Variants in FHL5 observed in about 807,000 individuals in gnomAD.
FHL5 encodes four and a half LIM domains protein 5.
Under a neutral mutation model 32.0 loss-of-function variants are expected in FHL5, and 33 were observed. The ratio of observed to expected loss-of-function variants is 1.03; its 90% CI spans 0.78 to 1.38. FHL5 has a LOEUF of 1.38. Ranked by LOEUF, FHL5 falls within the 40% of genes most tolerant of loss-of-function variation. FHL5 has a pLI of 0.00. For synonymous variants in FHL5, 114 were observed against 113.6 expected (o/e 1.00, Z -0.02); for missense variants, 336 against 343.9 (o/e 0.98, Z 0.18).
intron 1 of FHL5, among the ~76,000 whole-genome samples, chr6:96,570,575 G>A (rs191878160): frequency 3.9e-5 from 6 of 152,176 alleles, no homozygotes; most frequent in Admixed American, 2.0e-4. Flanking sequence ...TATTAAACAG[G>A]CTTTCTATAC....
intron 1 of FHL5, among the ~76,000 whole-genome samples, chr6:96,595,786 C>G (rs1289313403): frequency 6.6e-6 from 1 of 151,682 alleles, no homozygotes; most frequent in Non-Finnish European, 1.5e-5. Flanking sequence ...GCAAATCTGC[C>G]TAGTCATTTT....
At chr6:96,597,921 T>A (rs1771069230) in intron 1 of FHL5, among the ~76,000 whole-genome samples, 1 of 152,130 alleles carries the variant, frequency 6.6e-6, no homozygotes, top group Non-Finnish European at 1.5e-5. Context: ...TTTGGTTTGC[T>A]CATCCATCAA....
chr6:96,602,155 A>G (rs1056396660), intron 1 of FHL5, among the ~76,000 whole-genome samples: 3 of 152,176 alleles, frequency 2.0e-5, no homozygotes, highest in African/African-American at 4.8e-5. Flanking sequence ...GGCAAAACGC[A>G]TGAGAATAAG....
rs542296879 is a variant in FHL5 at position 96,576,907 on chromosome 6, T to C, written c.-13+13552T>C. ...CTACTAATACTGTGAACACTTTGGT[T>C]TCCAAGGGAATGGTAACAGATTTTC... On this transcript the variant is annotated intron_variant, in intron 1 of 5. Transcript: ENST00000450218. Among the ~76,000 whole-genome samples, 220 of 152,318 alleles carry C rather than the reference T, an allele frequency of 1.4e-3. 1 individual carries two copies. Among genetic ancestry groups the C allele is most frequent in the Non-Finnish European group, 2.1e-3 (143 of 68,024 alleles).
Position 96,563,665 on chromosome 6 carries a change from T to TA in FHL5, c.-13+311dup, listed in dbSNP as rs1770294439. On this transcript the variant is annotated intron_variant, in intron 1 of 5. Transcript: ENST00000450218. Reference sequence around the variant, plus strand: ...ATGGTCTTAATGTGGGGTATAGCTTTATTGTTGTAAAAAGAGGAAGAAGAG... The same window carrying TA: ...ATGGTCTTAATGTGGGGTATAGCTTTAATTGTTGTAAAAAGAGGAAGAAGAG... 1.3e-5 allele frequency among the ~76,000 whole-genome samples: 2 copies of TA among 152,162 alleles called. 1 individual carries two copies. The highest frequency in any genetic ancestry group is 4.1e-4 in the South Asian group (2 of 4,836).
intron 1 of FHL5, among the ~76,000 whole-genome samples, chr6:96,587,724 G>A (rs1264558380): frequency 6.6e-6 from 1 of 152,068 alleles, no homozygotes; most frequent in African/African-American, 2.4e-5. Flanking sequence ...ATTGCATCCT[G>A]AATTTTTTGT....
intron 5 of FHL5, among the ~76,000 whole-genome samples, chr6:96,615,218 G>A (rs929225238): frequency 2.0e-5 from 3 of 152,126 alleles, no homozygotes; most frequent in Non-Finnish European, 4.4e-5. Context: ...AAGTCATATA[G>A]AGAAAAAGGG....
Position 96,617,107 on chromosome 6 carries a change from T to C in FHL5, c.*1335T>C, listed in dbSNP as rs371015566. 6.6e-6 allele frequency among the ~76,000 whole-genome samples: 1 copy of C among 152,220 alleles called. No individual in the cohort carries two copies. The highest frequency in any genetic ancestry group is 1.5e-5 in the Non-Finnish European group (1 of 68,050). ...CCAGGTTTATCTTTATACCAGACTT[T>C]AACTGATCATGACCCTATCTTGCTA... On this transcript the variant is annotated 3_prime_UTR_variant, in exon 6 of 6. Transcript: ENST00000450218.
intron 4 of FHL5, among the ~76,000 whole-genome samples, chr6:96,610,083 T>C (rs557536656): frequency 2.8e-4 from 43 of 152,312 alleles, no homozygotes; most frequent in Non-Finnish European, 5.9e-4. Flanking sequence ...AAAAGAAGAA[T>C]TCTTTTAAGC....
intron 1 of FHL5, among the ~76,000 whole-genome samples, chr6:96,597,199 T>A (rs530691168): frequency 6.6e-6 from 1 of 151,592 alleles, no homozygotes; most frequent in African/African-American, 2.4e-5. Context: ...ATATATATAA[T>A]ATATACCAAT....
chr6:96,608,948 C>T (rs1237556144), intron 4 of FHL5, among the ~76,000 whole-genome samples: 2 of 152,144 alleles, frequency 1.3e-5, no homozygotes, highest in Non-Finnish European at 2.9e-5. Flanking sequence ...TTAAGCATTG[C>T]CTGCTAATCA....
At position 96,614,149 on chromosome 6, in the gene FHL5, T is replaced by A. The variant is rs117798998; in HGVS notation, c.692-1460T>A. Among the ~76,000 whole-genome samples, 622 of 152,330 alleles carry A rather than the reference T, an allele frequency of 4.1e-3. 12 individuals carry two copies. The highest frequency in any genetic ancestry group is 0.04 in the South Asian group (194 of 4,826). On this transcript the variant is annotated intron_variant, in intron 5 of 5. Transcript: ENST00000450218. ...CTTCTACTTTTTCTTATTTGTAAAA[T>A]TCCGGAAGAATTGCTTTTATATTTG...
At position 96,607,444 on chromosome 6, in the gene FHL5, A is replaced by T. The variant is rs1040981001; in HGVS notation, c.504+1373A>T. On this transcript the variant is annotated intron_variant, in intron 4 of 5. Coordinates refer to ENST00000450218, the MANE Select transcript of FHL5 (RefSeq NM_001322466.2). ...ACACACACGCAGTTAACTGTTTAACATACATAACCAATACCACTACTGCAT... is the reference window on the plus strand; with the variant it reads ...ACACACACGCAGTTAACTGTTTAACTTACATAACCAATACCACTACTGCAT... Among the ~76,000 whole-genome samples, 7 of 152,256 alleles carry T rather than the reference A, an allele frequency of 4.6e-5. No homozygotes were observed. The South Asian group carries it at 1.4e-3, about 32-fold the overall frequency.
At chr6:96,605,150 A>C (rs954834327) in intron 3 of FHL5, among the ~76,000 whole-genome samples, 3 of 152,232 alleles carry the variant, frequency 2.0e-5, no homozygotes, top group African/African-American at 7.2e-5. Context: ...AGTCTAATTC[A>C]TAGAAACATT....
At chr6:96,604,630 C>T (rs1424030186) in intron 2 of FHL5, 120 bp from the exon 3 acceptor site, 4 of 622,948 alleles carry the variant, frequency 6.4e-6, no homozygotes, top group African/African-American at 5.7e-5. Context: ...TAACAACTTT[C>T]CCTCACGCTA....
intron 1 of FHL5, among the ~76,000 whole-genome samples, chr6:96,597,260 C>T (rs896723605): frequency 4.8e-4 from 73 of 151,518 alleles, no homozygotes; most frequent in Non-Finnish European, 2.1e-4. Context: ...TATATAATTA[C>T]TTGTTCATGT....
At chr6:96,604,027 A>G (rs1227592139) in intron 2 of FHL5, among the ~76,000 whole-genome samples, 6 of 152,198 alleles carry the variant, frequency 3.9e-5, no homozygotes, top group Non-Finnish European at 7.4e-5. Context: ...CTATTTGTCC[A>G]AAGTTACACA....
At chr6:96,597,920 C>A (rs1771069160) in intron 1 of FHL5, among the ~76,000 whole-genome samples, 1 of 152,072 alleles carries the variant, frequency 6.6e-6, no homozygotes. Context: ...TTTTGGTTTG[C>A]TCATCCATCA....
intron 5 of FHL5, among the ~76,000 whole-genome samples, chr6:96,614,974 G>A (rs918577300): frequency 8.5e-5 from 13 of 152,092 alleles, no homozygotes; most frequent in African/African-American, 2.7e-4. Flanking sequence ...TCTGAGCAAG[G>A]TAATAAGGCC....
Sources: allele counts gnomAD v4.1 joint callset (sites outside exome capture counted in the v4.1 genomes callset), GRCh38; gene constraint gnomAD v4.1.1; transcripts MANE v1.5; gene names NCBI Gene and HGNC (gene_info 2026-07-23, HGNC 2026-07-21).